Variants in FGGY observed in about 807,000 individuals in gnomAD.
The protein encoded by FGGY is FGGY carbohydrate kinase domain-containing protein.
FGGY carries 72 observed loss-of-function variants against 71.3 expected under a neutral mutation model. The observed-to-expected ratio is 1.01, with a 90% CI of 0.84 to 1.23. The LOEUF is 1.23. Ranked by LOEUF, FGGY falls within the 50% of genes most tolerant of loss-of-function variation. The pLI is 0.00. For missense variants in FGGY, 668 were observed against 682.3 expected (o/e 0.98, Z 0.23); for synonymous variants, 251 against 250.3 (o/e 1.00, Z -0.02).
At chr1:59,525,792 A>G (rs1479865444) in intron 7 of FGGY, among the ~76,000 whole-genome samples, 1 of 152,180 alleles carries the variant, frequency 6.6e-6, no homozygotes, top group African/African-American at 2.4e-5. Flanking sequence ...AAACATATGT[A>G]TTTATAGGTA....
At chr1:59,301,110 C>T (rs533110486) in intron 1 of FGGY, among the ~76,000 whole-genome samples, 3 of 152,244 alleles carry the variant, frequency 2.0e-5, no homozygotes, top group Admixed American at 2.0e-4. Context: ...CACAGTATAT[C>T]TGTTCATTTA....
intron 14 of FGGY, among the ~76,000 whole-genome samples, chr1:59,747,857 C>T (rs2098213516): frequency 6.6e-6 from 1 of 152,166 alleles, no homozygotes; most frequent in South Asian, 2.1e-4. Flanking sequence ...AATAAATTGT[C>T]ATGAACTAAA....
rs150164323 is a variant in FGGY, at chr1:59,436,610, T to C, written c.555-20351T>C. On this transcript the variant is annotated intron_variant, in intron 5 of 15. Transcript: ENST00000303721. ...ATGAATAAATTGCTGGATGAATGAA[T>C]GAGAGTAAGTGAATGAAGAGTTCCT... Among the ~76,000 whole-genome samples, 634 of 152,324 alleles carry C rather than the reference T, an allele frequency of 4.2e-3. 3 individuals are homozygous for C. The highest frequency in any genetic ancestry group is 0.014 in the African/African-American group (589 of 41,574).
At chr1:59,448,141 A>G (rs2153491293) in intron 5 of FGGY, among the ~76,000 whole-genome samples, 1 of 151,960 alleles carries the variant, frequency 6.6e-6, no homozygotes, top group East Asian at 1.9e-4. Flanking sequence ...AGTTACTACT[A>G]CCATGGTTTT....
chr1:59,337,178 A>C (rs994185498), intron 2 of FGGY, among the ~76,000 whole-genome samples: 8 of 151,972 alleles, frequency 5.3e-5, no homozygotes, highest in African/African-American at 1.9e-4. Flanking sequence ...GTTCAAGTCC[A>C]AAAGCCTTGA....
At chr1:59,543,633 G>A (rs1026294997) in intron 7 of FGGY, among the ~76,000 whole-genome samples, 1 of 152,160 alleles carries the variant, frequency 6.6e-6, no homozygotes, top group Non-Finnish European at 1.5e-5. Context: ...AGGTGGTACT[G>A]AGCTTGGCAT....
intron 5 of FGGY, among the ~76,000 whole-genome samples, chr1:59,405,760 G>A (rs1270043224): frequency 2.0e-5 from 3 of 152,086 alleles, no homozygotes; most frequent in African/African-American, 7.2e-5. Context: ...CACTTGGTTG[G>A]TTGGCTAGAG....
At chr1:59,648,602 T>A (rs1386463393) in intron 11 of FGGY, among the ~76,000 whole-genome samples, 2 of 149,316 alleles carry the variant, frequency 1.3e-5, no homozygotes, top group Non-Finnish European at 2.9e-5. Flanking sequence ...GGTTGTTTGT[T>A]TTTTTCTTGT....
At chr1:59,469,254 G>A (rs1321603655) in intron 6 of FGGY, among the ~76,000 whole-genome samples, 1 of 152,214 alleles carries the variant, frequency 6.6e-6, no homozygotes, top group African/African-American at 2.4e-5. Flanking sequence ...TTGAGGTTGG[G>A]TGATTTATAA....
intron 14 of FGGY, among the ~76,000 whole-genome samples, chr1:59,749,277 G>C (rs568003935): frequency 6.6e-6 from 1 of 152,136 alleles, no homozygotes; most frequent in African/African-American, 2.4e-5. Flanking sequence ...CAAGCCTTGG[G>C]GGGTGGAGTT....
intron 8 of FGGY, among the ~76,000 whole-genome samples, chr1:59,576,028 A>C (rs920531191): frequency 6.6e-6 from 1 of 152,056 alleles, no homozygotes; most frequent in African/African-American, 2.4e-5. Context: ...ATTTTTGTCT[A>C]ATTGTGTTTG....
chr1:59,534,803 G>A (rs554058036), intron 7 of FGGY, among the ~76,000 whole-genome samples: 233 of 151,708 alleles, frequency 1.5e-3, no homozygotes, highest in African/African-American at 5.3e-3. Context: ...TCACCACCAG[G>A]CCTGCCCTAA....
intron 5 of FGGY, among the ~76,000 whole-genome samples, chr1:59,422,583 T>C (rs2153446967): frequency 6.6e-6 from 1 of 151,738 alleles, no homozygotes; most frequent in African/African-American, 2.4e-5. Context: ...TAGTCCCAGC[T>C]ACTCAGGAGG....
chr1:59,320,659 A>G (rs1357184200), intron 1 of FGGY, among the ~76,000 whole-genome samples: 2 of 152,228 alleles, frequency 1.3e-5, no homozygotes, highest in East Asian at 1.9e-4. Context: ...CAGATTGTCT[A>G]ACTAATTGCT....
At chr1:59,429,622 A>G (rs1412859291) in intron 5 of FGGY, among the ~76,000 whole-genome samples, 1 of 152,144 alleles carries the variant, frequency 6.6e-6, no homozygotes, top group Admixed American at 6.5e-5. Flanking sequence ...ATTCCCCTTT[A>G]GGCTCCTTCT....
At chr1:59,730,912 C>T (rs2098019269) in intron 14 of FGGY, among the ~76,000 whole-genome samples, 1 of 152,204 alleles carries the variant, frequency 6.6e-6, no homozygotes, top group Non-Finnish European at 1.5e-5. Flanking sequence ...CTTAACCCAC[C>T]TCATGAACGT....
chr1:59,465,432 T>G (rs2092556704), intron 6 of FGGY, among the ~76,000 whole-genome samples: 1 of 152,182 alleles, frequency 6.6e-6, no homozygotes, highest in African/African-American at 2.4e-5. Context: ...AAGCATTCCC[T>G]TGGAAAACTG....
intron 4 of FGGY, among the ~76,000 whole-genome samples, chr1:59,359,647 C>T (rs958611511): frequency 2.0e-5 from 3 of 152,184 alleles, no homozygotes; most frequent in African/African-American, 7.2e-5. Context: ...AGAATGGCCA[C>T]TCTGGATTCC....
At chr1:59,442,484 G>A (rs1056938677) in intron 5 of FGGY, among the ~76,000 whole-genome samples, 1 of 151,748 alleles carries the variant, frequency 6.6e-6, no homozygotes, top group Admixed American at 6.6e-5. Flanking sequence ...CTCTTTTCCT[G>A]TCCTTCCTTA....
Sources: allele counts gnomAD v4.1 joint callset (sites outside exome capture counted in the v4.1 genomes callset), GRCh38; gene constraint gnomAD v4.1.1; transcripts MANE v1.5; gene names NCBI Gene and HGNC (gene_info 2026-07-23, HGNC 2026-07-21).